Variants in POP1 observed in about 807,000 individuals in gnomAD.
POP1 encodes the protein POP1 ribonuclease P/MRP subunit, also known as ribonucleases P/MRP protein subunit POP1.
Under a neutral mutation model 102.2 loss-of-function variants are expected in POP1, and 75 were observed. That is an observed-to-expected ratio of 0.73 (90% CI 0.61 to 0.89). The LOEUF is 0.89. POP1 is among the 40% of genes least tolerant of loss of function. POP1 has a pLI of 0.00. For synonymous variants in POP1, 436 were observed against 464.1 expected (o/e 0.94, Z 0.78); for missense variants, 1,116 against 1,267.4 (o/e 0.88, Z 1.81).
intron 9 of POP1, among the ~76,000 whole-genome samples, chr8:98,139,077 C>T (rs1486012117): frequency 6.6e-6 from 1 of 152,050 alleles, no homozygotes; most frequent in African/African-American, 2.4e-5. Flanking sequence ...TCTCGAACTC[C>T]TGGCCTCAAG....
At chr8:98,145,641 C>T (rs779530230) in intron 11 of POP1, among the ~76,000 whole-genome samples, 1 of 152,116 alleles carries the variant, frequency 6.6e-6, no homozygotes, top group South Asian at 2.1e-4. Context: ...CACGGTGGCT[C>T]ACACCTATAA....
At chr8:98,129,796 C>T (rs191657103) in intron 4 of POP1, among the ~76,000 whole-genome samples, 182 bp from the exon 5 acceptor site, 31 of 152,290 alleles carry the variant, frequency 2.0e-4, no homozygotes, top group African/African-American at 7.5e-4. Context: ...CTAAAACATT[C>T]ACTCTTTCCA....
intron 14 of POP1, among the ~76,000 whole-genome samples, chr8:98,151,781 C>T (rs1809518353): frequency 7.5e-6 from 1 of 133,380 alleles, no homozygotes; most frequent in African/African-American, 3.0e-5. Flanking sequence ...CTCACTCTGT[C>T]ACCCAGGCTG....
At chr8:98,147,088 C>T (rs1809377131) in intron 12 of POP1, among the ~76,000 whole-genome samples, 1 of 152,138 alleles carries the variant, frequency 6.6e-6, no homozygotes, top group African/African-American at 2.4e-5. Flanking sequence ...CTTAAATGTT[C>T]TCTGTCTTTA....
intron 11 of POP1, among the ~76,000 whole-genome samples, chr8:98,144,102 G>C (rs1205491205): frequency 6.6e-6 from 1 of 151,964 alleles, no homozygotes; most frequent in Admixed American, 6.6e-5. Context: ...GCTGCAGTGA[G>C]CTGAGATCGC....
intron 5 of POP1, among the ~76,000 whole-genome samples, chr8:98,131,498 A>G (rs912301665): frequency 2.0e-5 from 3 of 152,200 alleles, no homozygotes; most frequent in Non-Finnish European, 2.9e-5. Flanking sequence ...TTATTCATTT[A>G]TCTGTCAGTG....
intron 9 of POP1, among the ~76,000 whole-genome samples, chr8:98,138,706 C>G (rs150645634): frequency 1.3e-5 from 2 of 152,304 alleles, no homozygotes; most frequent in Admixed American, 1.3e-4. Flanking sequence ...ATGTCTGGCA[C>G]AGAGAGGGTG....
At chr8:98,152,535 T>C (rs1199370928) in intron 14 of POP1, among the ~76,000 whole-genome samples, 1 of 152,234 alleles carries the variant, frequency 6.6e-6, no homozygotes, top group Admixed American at 6.5e-5. Flanking sequence ...GTTCCAATCG[T>C]GCTTTATATA....
At position 98,130,193 on chromosome 8, in the gene POP1, C is replaced by G. The variant is rs756228896; in HGVS notation, c.702C>G (p.Cys234Trp). The change falls in exon 5 of 16, where the codon TGC (cysteine) becomes TGG (tryptophan). Residue 234 changes from cysteine (C) to tryptophan (W), a missense_variant. Coordinates refer to ENST00000401707, the MANE Select transcript of POP1 (RefSeq NM_001145860.2). ...CAACAGTCAAGAGCCACAGAGCCTGCTATCGAGCCATGACGAACCGGTGCC... is the reference window on the plus strand; with the variant it reads ...CAACAGTCAAGAGCCACAGAGCCTGGTATCGAGCCATGACGAACCGGTGCC... Reference protein sequence around the residue: ...ERPTVKSHRACYRAMTNRCLL... With the variant: ...ERPTVKSHRAWYRAMTNRCLL... 2 of 1,614,162 alleles carry G rather than the reference C, an allele frequency of 1.2e-6. No homozygotes were observed. The highest frequency in any genetic ancestry group is 2.2e-5 in the South Asian group (2 of 91,080).
In POP1 at chr8:98,124,690, A is replaced by G. The variant is rs561706910; in HGVS notation, c.142+1211A>G. Reference sequence around the variant, plus strand: ...GGACGTATGAAACATGACTACTATAAATAATGAAAATTGGCTATGCATATT... The same window carrying G: ...GGACGTATGAAACATGACTACTATAGATAATGAAAATTGGCTATGCATATT... On this transcript the variant is annotated intron_variant, in intron 2 of 15. Coordinates refer to ENST00000401707, the MANE Select transcript of POP1 (RefSeq NM_001145860.2). 1.8e-3 allele frequency among the ~76,000 whole-genome samples: 280 copies of G among 152,352 alleles called. 1 individual carries two copies. Among genetic ancestry groups the G allele is most frequent in the African/African-American group, 6.3e-3 (263 of 41,580 alleles).
intron 6 of POP1, 99 bp downstream of exon 6, chr8:98,134,135 A>G (rs1270862980): frequency 4.3e-6 from 4 of 924,142 alleles, no homozygotes; most frequent in African/African-American, 3.3e-5. Flanking sequence ...TCAAACATAT[A>G]GAAAAGTGTG....
At chr8:98,155,754 T>C (rs1000119741) in intron 14 of POP1, among the ~76,000 whole-genome samples, 18 of 151,716 alleles carry the variant, frequency 1.2e-4, no homozygotes, top group Non-Finnish European at 2.4e-4. Flanking sequence ...CTAATTTTTG[T>C]ATTTTTAGTA....
rs1816550287 is a variant in POP1, at chr8:98,136,639, G to C, written c.1169G>C (p.Gly390Ala). 1 of 1,613,664 alleles carries C rather than the reference G, an allele frequency of 6.2e-7. No homozygotes were observed. The highest frequency in any genetic ancestry group is 1.3e-5 in the African/African-American group (1 of 74,850). ...AAGAAAAGAAAAAGGAAAGATGATG[G>C]AGAAAATGCTAAACCAATTAAAAAA... is the stretch of plus-strand genomic sequence containing the variant. ...IGKKRKRKDD[G>A]ENAKPIKKII... The change falls in exon 8 of 16, where the codon GGA becomes GCA. Residue 390 changes from glycine (G) to alanine (A), a missense_variant. Transcript: ENST00000401707.
intron 15 of POP1, among the ~76,000 whole-genome samples, chr8:98,157,178 G>A (rs1809674146): frequency 6.6e-6 from 1 of 152,118 alleles, no homozygotes; most frequent in African/African-American, 2.4e-5. Context: ...CGCCCGGCCT[G>A]TGCTTTGATT....
chr8:98,150,490 T>C lies in POP1; in HGVS notation c.1908T>C (p.Tyr636=), dbSNP rs139387262. 394 of 1,614,040 alleles carry C rather than the reference T, an allele frequency of 2.4e-4. 2 individuals are homozygous for C. The highest frequency in any genetic ancestry group is 8.2e-4 in the Middle Eastern group (5 of 6,062). Reference sequence around the variant, plus strand: ...CTTTTTGACATTTCTTTTAGATTTATCGAGGTGTGAGAGTCGGAGGGTTGA... The same window carrying C: ...CTTTTTGACATTTCTTTTAGATTTACCGAGGTGTGAGAGTCGGAGGGTTGA... ...WGMAFWIPFI[Y]RGVRVGGLKE... Residue 636 remains tyrosine (Y), a synonymous_variant, in exon 14 of 16, where the codon TAT becomes TAC. Coordinates refer to ENST00000401707, the MANE Select transcript of POP1 (RefSeq NM_001145860.2).
chr8:98,153,383 G>A (rs1809565951), intron 14 of POP1, among the ~76,000 whole-genome samples: 1 of 152,068 alleles, frequency 6.6e-6, no homozygotes, highest in Non-Finnish European at 1.5e-5. Flanking sequence ...GAAGAAGGGG[G>A]GGATTCAGGG....
At position 98,156,289 on chromosome 8, in the gene POP1, C is replaced by T; in HGVS notation, c.2297C>T (p.Pro766Leu). The stretch of plus-strand genomic sequence containing the variant: ...GAAGTGGGCACATCCATAGAGCACC[C>T]CAGGGAGGCAGAGGAGGTAATGGAT... Reference protein sequence around the residue: ...SDEVGTSIEHPREAEEVMDAG... With the variant: ...SDEVGTSIEHLREAEEVMDAG... Residue 766 changes from proline to leucine, a missense_variant, in exon 15 of 16, where the codon CCC becomes CTC. By Grantham distance (98) the Pro-to-Leu change is moderately conservative. Coordinates refer to ENST00000401707, the MANE Select transcript of POP1 (RefSeq NM_001145860.2). 6.2e-7 allele frequency: 1 copy of T among 1,614,064 alleles called. No individual in the cohort carries two copies. The highest frequency in any genetic ancestry group is 1.1e-5 in the South Asian group (1 of 91,072).
chr8:98,157,275 T>C (rs997366780), intron 15 of POP1, among the ~76,000 whole-genome samples: 2 of 152,222 alleles, frequency 1.3e-5, no homozygotes, highest in Admixed American at 1.3e-4. Context: ...TTACTTTACA[T>C]GTAACAGTCC....
chr8:98,154,994 A>C (rs1460492685), intron 14 of POP1, among the ~76,000 whole-genome samples: 1 of 152,210 alleles, frequency 6.6e-6, no homozygotes, highest in Non-Finnish European at 1.5e-5. Flanking sequence ...TGTGTACATA[A>C]GATGTCTCTG....
Sources: allele counts gnomAD v4.1 joint callset (sites outside exome capture counted in the v4.1 genomes callset), GRCh38; gene constraint gnomAD v4.1.1; transcripts MANE v1.5; gene names NCBI Gene and HGNC (gene_info 2026-07-23, HGNC 2026-07-21).